SMYD3: variants seen among roughly 807,000 people sequenced by gnomAD.
The protein encoded by SMYD3 is SET and MYND domain containing 3.
Under a neutral mutation model 57.7 loss-of-function variants are expected in SMYD3, and 36 were observed. The observed-to-expected ratio is 0.62, with a 90% CI of 0.48 to 0.82. The LOEUF (loss-of-function observed/expected upper bound fraction) is 0.82, where lower values mean the gene tolerates loss of function less well. Among genes scored for constraint, SMYD3 ranks in the 40% least tolerant of loss-of-function variants. The probability of loss-of-function intolerance (pLI) is 0.00; values close to 1 mark genes in which losing one functional copy is unlikely to be tolerated. For synonymous variants in SMYD3, 211 were observed against 195.0 expected (o/e 1.08, Z -0.68); for missense variants, 515 against 538.8 (o/e 0.96, Z 0.44).
intron 10 of SMYD3, among the ~76,000 whole-genome samples, chr1:245,793,135 C>T (rs1380961188): frequency 4.8e-5 from 7 of 147,276 alleles, no homozygotes; most frequent in East Asian, 4.0e-4. Context: ...CGGTGAAACC[C>T]CGTCTCTACT....
intron 5 of SMYD3, among the ~76,000 whole-genome samples, chr1:245,987,600 G>A (rs1033147855): frequency 2.0e-5 from 3 of 152,160 alleles, no homozygotes; most frequent in African/African-American, 7.2e-5. Context: ...TCCTCACAAC[G>A]ATTTTTAATT....
At chr1:246,128,789 T>C (rs1458724228) in intron 5 of SMYD3, among the ~76,000 whole-genome samples, 1 of 152,100 alleles carries the variant, frequency 6.6e-6, no homozygotes, top group East Asian at 1.9e-4. Context: ...GTGTGTGTTG[T>C]GTGCTTTTTT....
At chr1:246,031,564 C>CT (rs1471202790) in intron 5 of SMYD3, among the ~76,000 whole-genome samples, 1 of 151,922 alleles carries the variant, frequency 6.6e-6, no homozygotes, top group African/African-American at 2.4e-5. Context: ...GGTGAAACCC[C>CT]ATCTCTACTA....
intron 10 of SMYD3, among the ~76,000 whole-genome samples, chr1:245,817,113 C>A (rs7535489): frequency 2.7e-5 from 4 of 150,546 alleles, no homozygotes. Context: ...CAAACAAAAA[C>A]ACAGCAGTAA....
intron 5 of SMYD3, among the ~76,000 whole-genome samples, chr1:246,023,430 G>T (rs926724994): frequency 1.8e-4 from 28 of 152,144 alleles, no homozygotes; most frequent in Non-Finnish European, 3.5e-4. Context: ...AATATTAAAT[G>T]TCTGAAAATG....
intron 1 of SMYD3, among the ~76,000 whole-genome samples, chr1:246,471,664 G>A (rs2067963270): frequency 6.6e-6 from 1 of 152,232 alleles, no homozygotes; most frequent in Admixed American, 6.5e-5. Flanking sequence ...CAGCAATTAT[G>A]CACTGGCGCT....
chr1:246,153,795 C>T (rs1028199897), intron 5 of SMYD3, among the ~76,000 whole-genome samples: 3 of 152,080 alleles, frequency 2.0e-5, no homozygotes, highest in African/African-American at 7.2e-5. Flanking sequence ...TAAACAATCC[C>T]ACCTTTAACC....
chr1:246,314,076 C>T (rs1314531313), intron 5 of SMYD3, among the ~76,000 whole-genome samples: 1 of 152,082 alleles, frequency 6.6e-6, no homozygotes, highest in Non-Finnish European at 1.5e-5. Context: ...ATGAATAATC[C>T]ACCCTCCTCC....
intron 8 of SMYD3, among the ~76,000 whole-genome samples, chr1:245,912,282 C>A (rs1017788392): frequency 1.3e-5 from 2 of 151,898 alleles, no homozygotes; most frequent in Non-Finnish European, 2.9e-5. Context: ...CAAAAAAAGA[C>A]ACCTAGGAGT....
intron 2 of SMYD3, among the ~76,000 whole-genome samples, chr1:246,354,566 T>C (rs754860621): frequency 9.9e-5 from 15 of 150,938 alleles, no homozygotes; most frequent in Non-Finnish European, 1.9e-4. Flanking sequence ...CAATGAAACA[T>C]ATGGGATACA....
rs138890819 is a variant in SMYD3 at position 246,273,852 on chromosome 1, C to G, written c.531+53349G>C. Among the ~76,000 whole-genome samples, 23 of 152,244 alleles carry G rather than the reference C, an allele frequency of 1.5e-4. No homozygotes were observed. The East Asian group carries it at 4.4e-3, about 29-fold the overall frequency. On this transcript the variant is annotated intron_variant, in intron 5 of 11. Transcript: ENST00000490107. ...CCGGCCTCCTTAAGTGCTGGGATTA[C>G]AGGCGTGAACCACTGCGCCCGGCCA...
intron 5 of SMYD3, chr1:245,956,116 T>C (rs2057832838): frequency 4.2e-6 from 4 of 956,732 alleles, no homozygotes; most frequent in African/African-American, 1.8e-5. Flanking sequence ...TGGGGTCTCA[T>C]TTTGTTGCCC....
intron 5 of SMYD3, among the ~76,000 whole-genome samples, chr1:246,072,572 G>A (rs2060476918): frequency 6.6e-6 from 1 of 152,204 alleles, no homozygotes; most frequent in South Asian, 2.1e-4. Flanking sequence ...GGGTAGACTT[G>A]TAGACTTAAT....
Position 245,802,598 on chromosome 1 carries a change from C to T in SMYD3, c.1077-38449G>A, listed in dbSNP as rs549219509. ...TTCAGCTACCCCTGGTTAGTGGCTT[C>T]AGGCTATAGCCTAGGGCCTGGCTTT... is the stretch of plus-strand genomic sequence containing the variant. On this transcript the variant is annotated intron_variant, in intron 10 of 11. Transcript: ENST00000490107. 5.3e-5 allele frequency among the ~76,000 whole-genome samples: 8 copies of T among 152,280 alleles called. No individual in the cohort carries two copies. In the South Asian group the frequency reaches 1.0e-3, roughly 20 times the overall value.
chr1:246,366,861 G>T (rs1011183467), intron 1 of SMYD3, among the ~76,000 whole-genome samples: 1 of 150,524 alleles, frequency 6.6e-6, no homozygotes, highest in African/African-American at 2.5e-5. Context: ...AACCTGGGAG[G>T]TGGAGGTTGC....
chr1:245,912,201 A>G (rs2055042247), intron 8 of SMYD3, among the ~76,000 whole-genome samples: 1 of 152,110 alleles, frequency 6.6e-6, no homozygotes, highest in African/African-American at 2.4e-5. Context: ...CAGTGTTTCT[A>G]TACACCAATA....
intron 5 of SMYD3, among the ~76,000 whole-genome samples, chr1:246,228,434 C>G (rs1049426996): frequency 6.6e-6 from 1 of 152,114 alleles, no homozygotes; most frequent in Non-Finnish European, 1.5e-5. Context: ...TGTGGTACTC[C>G]TACCCGAGGC....
intron 1 of SMYD3, among the ~76,000 whole-genome samples, chr1:246,477,570 A>G (rs141777975): frequency 1.3e-5 from 2 of 152,370 alleles, no homozygotes; most frequent in East Asian, 1.9e-4. Flanking sequence ...AGATTTATCT[A>G]AACTTACTAT....
chr1:246,450,009 CG>C (rs1338942268), intron 1 of SMYD3, among the ~76,000 whole-genome samples: 1 of 152,126 alleles, frequency 6.6e-6, no homozygotes, highest in African/African-American at 2.4e-5. Flanking sequence ...ATCAACAGGC[CG>C]GGCATGGTGG....
Sources: gnomAD v4.1 joint callset for allele counts (sites outside exome capture counted in the v4.1 genomes callset) on GRCh38, gnomAD v4.1.1 for gene constraint, MANE v1.5 for transcripts, NCBI Gene and HGNC (gene_info 2026-07-23, HGNC 2026-07-21) for gene names.